Variants in NRXN1 observed in about 807,000 individuals in gnomAD.
NRXN1 encodes neurexin 1, also known as neurexin-1.
A neutral mutation model predicts 150.9 loss-of-function variants in NRXN1; 39 were observed. The ratio of observed to expected loss-of-function variants is 0.26; its 90% CI spans 0.20 to 0.34. The LOEUF is 0.34. Ranked by LOEUF, NRXN1 falls within the 10% of genes least tolerant of loss-of-function variation. The pLI, the probability that NRXN1 is intolerant of heterozygous loss-of-function variation, is 1.00. For missense variants in NRXN1, 1,815 were observed against 1,949.9 expected (o/e 0.93, Z 1.30); for synonymous variants, 924 against 757.0 (o/e 1.22, Z -3.62).
intron 2 of NRXN1, among the ~76,000 whole-genome samples, chr2:50,971,874 T>C (rs1168521416): frequency 6.6e-6 from 1 of 152,150 alleles, no homozygotes; most frequent in Non-Finnish European, 1.5e-5. Flanking sequence ...TACCTTTAAA[T>C]AGCAGTGTCC....
At chr2:50,019,781 C>G (rs535707248) in intron 21 of NRXN1, among the ~76,000 whole-genome samples, 18 of 150,056 alleles carry the variant, frequency 1.2e-4, no homozygotes, top group African/African-American at 4.2e-4. Flanking sequence ...CCCGTCTCTA[C>G]TAAAAAAATA....
intron 7 of NRXN1, chr2:50,620,963 A>G (rs896022283): frequency 2.6e-5 from 11 of 421,280 alleles, no homozygotes; most frequent in Non-Finnish European, 4.6e-5. Flanking sequence ...ATCCCGTGTT[A>G]ACCACAGCTG....
intron 2 of NRXN1, among the ~76,000 whole-genome samples, chr2:50,942,991 TG>T (rs1342670461): frequency 6.6e-6 from 1 of 152,154 alleles, no homozygotes; most frequent in African/African-American, 2.4e-5. Flanking sequence ...GAGTGGCCTG[TG>T]GGTGGTGACT....
At chr2:50,004,819 T>C (rs1684501124) in intron 21 of NRXN1, among the ~76,000 whole-genome samples, 1 of 152,178 alleles carries the variant, frequency 6.6e-6, no homozygotes, top group African/African-American at 2.4e-5. Flanking sequence ...TTCACATTCA[T>C]TCCTTGCTAC....
intron 15 of NRXN1, among the ~76,000 whole-genome samples, chr2:50,476,894 C>CA (rs746322519): frequency 6.6e-6 from 1 of 151,140 alleles, no homozygotes; most frequent in Non-Finnish European, 1.5e-5. Flanking sequence ...ATTAAGAGGA[C>CA]AAAAAAACTC....
intron 5 of NRXN1, among the ~76,000 whole-genome samples, chr2:50,736,959 T>A (rs1244333924): frequency 1.3e-5 from 2 of 152,090 alleles, no homozygotes; most frequent in Admixed American, 1.3e-4. Context: ...TATCTTGAAT[T>A]AAGAATGATA....
chr2:50,167,024 C>A (rs978419411), intron 18 of NRXN1, among the ~76,000 whole-genome samples: 1 of 152,012 alleles, frequency 6.6e-6, no homozygotes, highest in Admixed American at 6.6e-5. Context: ...AGATTACATA[C>A]AATGAAATGA....
In NRXN1 at chr2:50,347,273, C is replaced by T. The variant is rs1234422461; in HGVS notation, c.3365-110303G>A. Reference sequence around the variant, plus strand: ...CAGGGCTCCAGGTTCTCGAGAGATACTCCCAAAGAGTTTCGGGCGAGAGTG... The same window carrying T: ...CAGGGCTCCAGGTTCTCGAGAGATATTCCCAAAGAGTTTCGGGCGAGAGTG... On this transcript the variant is annotated intron_variant, in intron 17 of 22. Transcript: ENST00000401669. This position sits in a 1 kb window ranked among gnomAD's most constrained non-coding sequence, Gnocchi z 4.9. The T allele has an allele frequency of 7.7e-7, 1 of 1,307,136 alleles. No individual in the cohort carries two copies. Among genetic ancestry groups the T allele is most frequent in the Admixed American group, 2.3e-5 (1 of 43,622 alleles). 81.0% of individuals were successfully genotyped at this position (1,307,136 alleles called of 1,614,324 possible).
intron 17 of NRXN1, among the ~76,000 whole-genome samples, chr2:50,438,320 T>C (rs2085631002): frequency 6.6e-6 from 1 of 152,008 alleles, no homozygotes; most frequent in Admixed American, 6.6e-5. Context: ...AAACTAGGAG[T>C]GGGATTTATC....
chr2:50,273,617 G>C (rs991190580), intron 17 of NRXN1, among the ~76,000 whole-genome samples: 1 of 151,960 alleles, frequency 6.6e-6, no homozygotes, highest in Admixed American at 6.6e-5. Context: ...CAATAGAATT[G>C]AAAACCTGAC....
intron 2 of NRXN1, among the ~76,000 whole-genome samples, chr2:50,942,094 G>T (rs1303763794): frequency 2.0e-5 from 3 of 152,156 alleles, no homozygotes; most frequent in African/African-American, 4.8e-5. Context: ...AGAAGGCACA[G>T]CACAGGCCAT....
intron 19 of NRXN1, among the ~76,000 whole-genome samples, chr2:50,087,034 C>T (rs1325249505): frequency 6.6e-6 from 1 of 152,062 alleles, no homozygotes; most frequent in Non-Finnish European, 1.5e-5. Flanking sequence ...CTAATCCTTC[C>T]TAAATGAATG....
At chr2:50,156,501 C>G (rs2152779411) in intron 18 of NRXN1, among the ~76,000 whole-genome samples, 1 of 151,862 alleles carries the variant, frequency 6.6e-6, no homozygotes, top group East Asian at 1.9e-4. Flanking sequence ...TACGGGTTAC[C>G]TCAATGTTCA....
At chr2:50,732,102 T>TA (rs1698173784) in intron 5 of NRXN1, among the ~76,000 whole-genome samples, 1 of 152,152 alleles carries the variant, frequency 6.6e-6, no homozygotes, top group African/African-American at 2.4e-5. Context: ...AGGCTGAACA[T>TA]AAAAGCACAT....
chr2:50,098,830 G>GTTTTTTTTTTT (rs746736925), intron 18 of NRXN1, among the ~76,000 whole-genome samples: 9 of 105,550 alleles, frequency 8.5e-5, no homozygotes, highest in Non-Finnish European at 9.7e-5. Context: ...TTTGGTTTTA[G>GTTTTTTTTTTT]TTTTTTTTTT....
chr2:51,017,503 CTTTTTTTTTTTTTTTTTTTT>C (rs70958638), intron 2 of NRXN1, among the ~76,000 whole-genome samples: 11 of 44,304 alleles, frequency 2.5e-4, no homozygotes, highest in African/African-American at 1.0e-3. Context: ...CCACATCTGG[CTTTTTTTTTTTTTTTTTTTT>C]TTTTTTTTTT....
In NRXN1 at chr2:51,028,912, T is replaced by G. The variant is rs1016679208; in HGVS notation, c.-639A>C. 1 of 152,208 alleles carries G rather than the reference T, an allele frequency of 6.6e-6. No individual in the cohort carries two copies. The highest frequency in any genetic ancestry group is 1.5e-5 in the Non-Finnish European group (1 of 68,050). 9.4% of individuals were successfully genotyped at this position (152,208 alleles called of 1,614,324 possible). A position where few individuals can be genotyped will look rare whatever the true frequency, so the allele number is the denominator to read the frequency against. ...CCGAGGATAGCTTCAAAGGCCTGCT[T>G]CTTCTGTCATAGCATGGGCTTCAGC... is the stretch of plus-strand genomic sequence containing the variant. On this transcript the variant is annotated 5_prime_UTR_variant, in exon 2 of 23. Coordinates refer to ENST00000401669, the MANE Select transcript of NRXN1 (RefSeq NM_001330078.2).
At chr2:50,437,339 G>T (rs779606966) in intron 17 of NRXN1, among the ~76,000 whole-genome samples, 3 of 152,034 alleles carry the variant, frequency 2.0e-5, no homozygotes, top group African/African-American at 7.3e-5. Context: ...TACCTCTACT[G>T]CCAATAACCT....
At chr2:50,199,298 A>G (rs1488716339) in intron 18 of NRXN1, 3 of 152,018 alleles carry the variant, frequency 2.0e-5, no homozygotes, top group Admixed American at 6.6e-5. Context: ...TCCTGCAAAG[A>G]TTTTTTAAAA....
Sources: gnomAD v4.1 joint callset for allele counts (sites outside exome capture counted in the v4.1 genomes callset) on GRCh38, gnomAD v4.1.1 for gene constraint, Gnocchi (gnomAD v3.1) non-coding constraint, MANE v1.5 for transcripts, NCBI Gene and HGNC (gene_info 2026-07-23, HGNC 2026-07-21) for gene names.